The following EMCN variants were observed in gnomAD, a reference collection of about 807,000 sequenced individuals.
EMCN encodes the protein MUC-14.
Under a neutral mutation model 38.4 loss-of-function variants are expected in EMCN, and 37 were observed. The observed-to-expected ratio is 0.96, with a 90% confidence interval of 0.74 to 1.27. The LOEUF is 1.27. Ranked by LOEUF, EMCN falls within the 50% of genes most tolerant of loss-of-function variation. EMCN has a pLI of 0.00. For missense variants in EMCN, 318 were observed against 302.8 expected, an observed-to-expected ratio of 1.05 and a Z score of -0.37; for synonymous variants, 95 against 100.8, an observed-to-expected ratio of 0.94 and a Z score of 0.35.
chr4:100,513,018 T>A (rs1729668272), intron 1 of EMCN, among the ~76,000 whole-genome samples: 1 of 152,156 alleles, frequency 6.6e-6, no homozygotes, highest in African/African-American at 2.4e-5. Flanking sequence ...TGGGCAGTTG[T>A]CTAGTAAATT....
intron 1 of EMCN, among the ~76,000 whole-genome samples, chr4:100,490,710 C>T (rs747268361): frequency 5.3e-5 from 8 of 152,128 alleles, no homozygotes; most frequent in East Asian, 1.9e-4. Context: ...TGTGTAAGTG[C>T]GCTTTATGAT....
intron 1 of EMCN, among the ~76,000 whole-genome samples, chr4:100,499,655 C>T (rs550939388): frequency 1.3e-5 from 2 of 152,294 alleles, no homozygotes; most frequent in South Asian, 2.1e-4. Context: ...TCGTGACAAA[C>T]CTTTTGTCCT....
intron 4 of EMCN, among the ~76,000 whole-genome samples, chr4:100,450,721 A>T (rs1196881930): frequency 2.0e-5 from 3 of 151,956 alleles, no homozygotes; most frequent in East Asian, 3.9e-4. Context: ...ACTTGAAATG[A>T]TATAAATTAA....
intron 5 of EMCN, among the ~76,000 whole-genome samples, chr4:100,441,245 C>T (rs563860923): frequency 6.6e-6 from 1 of 151,994 alleles, no homozygotes; most frequent in Non-Finnish European, 1.5e-5. Context: ...TACATTGACC[C>T]CTTTATCATT....
intron 5 of EMCN, among the ~76,000 whole-genome samples, chr4:100,423,861 G>A (rs1726969876): frequency 6.6e-6 from 1 of 152,026 alleles, no homozygotes; most frequent in Admixed American, 6.6e-5. Flanking sequence ...GAAAAAAATT[G>A]CAGTTGAGGC....
At chr4:100,407,107 A>G (rs1456367977) in intron 11 of EMCN, among the ~76,000 whole-genome samples, 1 of 152,096 alleles carries the variant, frequency 6.6e-6, no homozygotes, top group Non-Finnish European at 1.5e-5. Flanking sequence ...CTCTGAGCCT[A>G]TAGGTGTCCT....
At chr4:100,475,302 T>TACACAC (rs59162117) in intron 2 of EMCN, among the ~76,000 whole-genome samples, 193 bp from the exon 3 acceptor site, 15,046 of 142,958 alleles carry the variant, frequency 0.11, 945 homozygotes, top group African/African-American at 0.17. Context: ...TTGGGTGGCC[T>TACACAC]ACACACACAC....
chr4:100,517,816 A>G (rs754323290), intron 1 of EMCN, 35 bp downstream of exon 1: 7 of 1,605,108 alleles, frequency 4.4e-6, no homozygotes, highest in East Asian at 2.2e-5. Context: ...GTGATTTCCA[A>G]TCCGTACCAC....
chr4:100,413,410 G>A (rs1359186908), intron 10 of EMCN, among the ~76,000 whole-genome samples: 2 of 151,840 alleles, frequency 1.3e-5, no homozygotes, highest in African/African-American at 2.4e-5. Flanking sequence ...GTCAGTATTA[G>A]GCAAGAGAAG....
intron 1 of EMCN, among the ~76,000 whole-genome samples, chr4:100,492,220 C>A (rs1729100684): frequency 6.6e-6 from 1 of 151,838 alleles, no homozygotes; most frequent in African/African-American, 2.4e-5. Context: ...GAAATAGAAA[C>A]AACTTAGAAA....
intron 11 of EMCN, among the ~76,000 whole-genome samples, chr4:100,402,108 G>C (rs1216299915): frequency 6.6e-6 from 1 of 151,944 alleles, no homozygotes; most frequent in Non-Finnish European, 1.5e-5. Flanking sequence ...CATTTAAGCT[G>C]CTTCTACGTA....
intron 4 of EMCN, among the ~76,000 whole-genome samples, chr4:100,456,394 C>T (rs917061126): frequency 2.0e-5 from 3 of 151,690 alleles, no homozygotes; most frequent in African/African-American, 7.3e-5. Flanking sequence ...TTTTTTCTGC[C>T]TTATTGAGAT....
At chr4:100,496,307 T>C (rs1411454476) in intron 1 of EMCN, among the ~76,000 whole-genome samples, 2 of 152,106 alleles carry the variant, frequency 1.3e-5, no homozygotes, top group Non-Finnish European at 2.9e-5. Context: ...TTACCAACTA[T>C]CAAAATGTCC....
intron 4 of EMCN, among the ~76,000 whole-genome samples, chr4:100,450,465 A>C (rs777775741): frequency 1.3e-5 from 2 of 152,016 alleles, no homozygotes; most frequent in African/African-American, 2.4e-5. Flanking sequence ...TTGAACTAAC[A>C]GACTTACACC....
intron 4 of EMCN, among the ~76,000 whole-genome samples, chr4:100,449,742 A>G (rs1051436152): frequency 6.6e-6 from 1 of 152,014 alleles, no homozygotes; most frequent in Non-Finnish European, 1.5e-5. Flanking sequence ...AAGAAATATA[A>G]CTATACATTA....
chr4:100,438,552 T>C lies in EMCN; in HGVS notation c.415+8981A>G, dbSNP rs142241490. ...TCTGCAAGTGGAGATTTTTTTTTCT[T>C]TTTGATTTTGATGTCTTTTATTTCT... On this transcript the variant is annotated intron_variant, in intron 5 of 11. Coordinates refer to ENST00000296420, the MANE Select transcript of EMCN (RefSeq NM_016242.4). Among the ~76,000 whole-genome samples the C allele has an allele frequency of 2.6e-4, 40 of 152,064 alleles. No homozygotes were observed. The East Asian group carries it at 7.5e-3, about 29-fold the overall frequency.
chr4:100,472,067 G>A (rs1728493662), intron 3 of EMCN, among the ~76,000 whole-genome samples: 1 of 151,806 alleles, frequency 6.6e-6, no homozygotes, highest in Non-Finnish European at 1.5e-5. Flanking sequence ...TTGTATTGAA[G>A]GTGCTAGCCA....
chr4:100,476,894 A>C (rs1304237168), intron 2 of EMCN, among the ~76,000 whole-genome samples: 1 of 152,246 alleles, frequency 6.6e-6, no homozygotes, highest in Non-Finnish European at 1.5e-5. Flanking sequence ...GAATAAAAGG[A>C]GAAAGACTAC....
At position 100,410,149 on chromosome 4, in the gene EMCN, G is replaced by A. The variant is rs569967917; in HGVS notation, c.*39+133C>T. The A allele has an allele frequency of 1.2e-5, 8 of 671,484 alleles. No individual in the cohort carries two copies. The African/African-American group carries it at 1.3e-4, about 11-fold the overall frequency. 41.6% of individuals were successfully genotyped at this position (671,484 alleles called of 1,614,324 possible). On this transcript the variant is annotated intron_variant, in intron 11 of 11. Transcript: ENST00000296420. ...GTTAGAGTTTGTTTTTAGACAAATA[G>A]ACAATGATCATTGCATTGACACAAA...
Sources: allele counts gnomAD v4.1 joint callset (sites outside exome capture counted in the v4.1 genomes callset), GRCh38; gene constraint gnomAD v4.1.1; transcripts MANE v1.5; gene names NCBI Gene and HGNC (gene_info 2026-07-23, HGNC 2026-07-21).